NTM: variants seen among roughly 807,000 people sequenced by gnomAD.
NTM encodes IgLON family member 2.
In NTM, 13 loss-of-function variants were observed where a neutral mutation model predicts 42.1. The ratio of observed to expected loss-of-function variants is 0.31; its 90% CI spans 0.20 to 0.49. NTM has a LOEUF of 0.49. Among genes scored for constraint, NTM ranks in the 20% least tolerant of loss-of-function variants. NTM has a pLI of 0.99. For missense variants in NTM, 373 were observed against 452.8 expected, an observed-to-expected ratio of 0.82 and a Z score of 1.60; for synonymous variants, 187 against 179.2, an observed-to-expected ratio of 1.04 and a Z score of -0.35.
At chr11:132,108,851 C>T (rs1301030769) in intron 2 of NTM, among the ~76,000 whole-genome samples, 2 of 152,028 alleles carry the variant, frequency 1.3e-5, no homozygotes, top group African/African-American at 4.8e-5. Context: ...CCATCCTTAC[C>T]CCCACTCACC....
At chr11:131,576,543 T>C (rs1330270067) in intron 1 of NTM, among the ~76,000 whole-genome samples, 1 of 152,190 alleles carries the variant, frequency 6.6e-6, no homozygotes, top group Admixed American at 6.5e-5. Flanking sequence ...CTAGACACAC[T>C]GGAGAGGCTC....
At position 131,564,324 on chromosome 11, in the gene NTM, G is replaced by A. The variant is rs116350695; in HGVS notation, c.82+193436G>A. On this transcript the variant is annotated intron_variant, in intron 1 of 8. Transcript: ENST00000683400. ...AAAATTATTTCCCATAATTCTGGAG[G>A]CTGGAAGTCTGAGATCAGAGTGCCA... Among the ~76,000 whole-genome samples the A allele has an allele frequency of 7.0e-3, 1,068 of 152,222 alleles. 14 individuals carry two copies. The highest frequency in any genetic ancestry group is 0.024 in the African/African-American group (991 of 41,534).
At chr11:131,571,547 T>G (rs1428228974) in intron 1 of NTM, among the ~76,000 whole-genome samples, 1 of 152,204 alleles carries the variant, frequency 6.6e-6, no homozygotes, top group African/African-American at 2.4e-5. Flanking sequence ...TTATTAGTTA[T>G]TGGGGGAAAC....
At chr11:132,105,242 A>T (rs923798389) in intron 2 of NTM, among the ~76,000 whole-genome samples, 1 of 151,690 alleles carries the variant, frequency 6.6e-6, no homozygotes, top group African/African-American at 2.4e-5. Flanking sequence ...TTAAGATGGA[A>T]CGCCGTTTCC....
At chr11:131,412,602 T>G (rs1992895) in intron 1 of NTM, among the ~76,000 whole-genome samples, 18,963 of 152,190 alleles carry the variant, frequency 0.12, 1,522 homozygotes, top group South Asian at 0.19. Context: ...AGTTTGTTGA[T>G]TCGCCCAAGT....
At chr11:131,963,435 A>C (rs1311399636) in intron 2 of NTM, among the ~76,000 whole-genome samples, 1 of 152,220 alleles carries the variant, frequency 6.6e-6, no homozygotes, top group Non-Finnish European at 1.5e-5. Context: ...CTCTGCTCAG[A>C]AGGGAGATAT....
intron 4 of NTM, among the ~76,000 whole-genome samples, chr11:132,249,334 T>C (rs1185023163): frequency 6.6e-6 from 1 of 152,110 alleles, no homozygotes; most frequent in Non-Finnish European, 1.5e-5. Flanking sequence ...ATGAACGTGG[T>C]GATCACTTCC....
intron 4 of NTM, among the ~76,000 whole-genome samples, chr11:132,233,525 G>C (rs1193934508): frequency 1.3e-5 from 2 of 152,178 alleles, no homozygotes; most frequent in South Asian, 2.1e-4. Context: ...TTTTTAAGTG[G>C]TTGAAAAAAT....
rs535476789 is a variant in NTM at position 132,002,411 on chromosome 11, GA to G, written c.167+90766del. Among the ~76,000 whole-genome samples the G allele has an allele frequency of 8.5e-5, 13 of 152,274 alleles. No individual in the cohort carries two copies. The South Asian group carries it at 2.7e-3, about 32-fold the overall frequency. ...CTGAGTTGGGAAGGTAACAGAAGGG[GA>G]AATTTTGGTTGAATAGGATAAGAAT... On this transcript the variant is annotated intron_variant, in intron 2 of 8. Coordinates refer to ENST00000683400, the MANE Select transcript of NTM (RefSeq NM_001352005.2). This position sits in a 1 kb window ranked among gnomAD's most constrained non-coding sequence, Gnocchi z 4.5.
intron 1 of NTM, among the ~76,000 whole-genome samples, chr11:131,451,544 C>A (rs1382591936): frequency 2.6e-5 from 4 of 152,126 alleles, no homozygotes; most frequent in African/African-American, 9.7e-5. Flanking sequence ...AGAGGGAAGC[C>A]TTCCCAGGCC....
At chr11:131,767,945 G>A (rs1348492332) in intron 1 of NTM, among the ~76,000 whole-genome samples, 3 of 152,114 alleles carry the variant, frequency 2.0e-5, no homozygotes, top group African/African-American at 4.8e-5. Context: ...GGGAGTGGGT[G>A]ATGAGAGGTC....
At chr11:131,823,945 G>T (rs1039313060) in intron 1 of NTM, among the ~76,000 whole-genome samples, 1 of 152,154 alleles carries the variant, frequency 6.6e-6, no homozygotes, top group Non-Finnish European at 1.5e-5. Context: ...TGTTCTTTAT[G>T]CAATTCAAGG....
chr11:132,081,273 A>G (rs1359122083), intron 2 of NTM, among the ~76,000 whole-genome samples: 1 of 152,246 alleles, frequency 6.6e-6, no homozygotes, highest in African/African-American at 2.4e-5. Context: ...ATACCTATGT[A>G]TACATATTAC....
chr11:131,629,003 G>T (rs889500228), intron 1 of NTM, among the ~76,000 whole-genome samples: 1 of 152,198 alleles, frequency 6.6e-6, no homozygotes, highest in African/African-American at 2.4e-5. Context: ...TGGTGTGGGT[G>T]GGGACCAAGT....
intron 3 of NTM, among the ~76,000 whole-genome samples, chr11:132,196,314 G>A (rs1022405959): frequency 3.2e-4 from 49 of 152,104 alleles, no homozygotes; most frequent in African/African-American, 1.2e-3. Flanking sequence ...TGGCAAAATT[G>A]TAGAGAAAAG....
chr11:131,641,039 G>A (rs909393301), intron 1 of NTM, among the ~76,000 whole-genome samples: 26 of 152,304 alleles, frequency 1.7e-4, no homozygotes, highest in African/African-American at 5.5e-4. Context: ...ACAAGCAACC[G>A]CATATTCTTA....
chr11:132,074,540 C>CT (rs55988054), intron 2 of NTM, among the ~76,000 whole-genome samples: 71 of 147,858 alleles, frequency 4.8e-4, no homozygotes, highest in East Asian at 2.2e-3. Flanking sequence ...TTAATAACAG[C>CT]TTTTTTTTTT....
intron 1 of NTM, chr11:131,795,683 CA>C (rs2136186530): frequency 2.0e-6 from 2 of 985,390 alleles, no homozygotes; most frequent in Non-Finnish European, 2.4e-6. Flanking sequence ...GGGCGAACAG[CA>C]GATATTTACG....
chr11:131,768,510 C>T (rs2085511835), intron 1 of NTM, among the ~76,000 whole-genome samples: 5 of 152,156 alleles, frequency 3.3e-5, no homozygotes, highest in South Asian at 2.1e-4. Context: ...GTGATCCATA[C>T]ATCAGGGTGA....
Sources: allele counts gnomAD v4.1 joint callset (sites outside exome capture counted in the v4.1 genomes callset), GRCh38; gene constraint gnomAD v4.1.1; non-coding constraint Gnocchi (gnomAD v3.1); transcripts MANE v1.5; gene names NCBI Gene and HGNC (gene_info 2026-07-23, HGNC 2026-07-21).